Variants in GLG1 observed in about 807,000 individuals in gnomAD.
The protein encoded by GLG1 is golgi glycoprotein 1, also known as Golgi apparatus protein 1.
A neutral mutation model predicts 160.5 loss-of-function variants in GLG1; 38 were observed. The ratio of observed to expected loss-of-function variants is 0.24; its 90% CI spans 0.18 to 0.31. The LOEUF (loss-of-function observed/expected upper bound fraction) is 0.31. Among genes scored for constraint, GLG1 ranks in the 10% least tolerant of loss-of-function variants. The probability of loss-of-function intolerance (pLI) is 1.00; values close to 1 mark genes in which losing one functional copy is unlikely to be tolerated. For missense variants in GLG1, 1,373 were observed against 1,505.2 expected, an observed-to-expected ratio of 0.91 and a Z score of 1.45; for synonymous variants, 644 against 543.4, an observed-to-expected ratio of 1.19 and a Z score of -2.57.
At chr16:74,574,056 C>T (rs982335286) in intron 1 of GLG1, among the ~76,000 whole-genome samples, 6 of 152,134 alleles carry the variant, frequency 3.9e-5, no homozygotes, top group Admixed American at 6.5e-5. Context: ...AAGCAACATG[C>T]GTGTGCACGC....
At chr16:74,519,056 T>C (rs1193728798) in intron 2 of GLG1, among the ~76,000 whole-genome samples, 3 of 152,172 alleles carry the variant, frequency 2.0e-5, no homozygotes, top group African/African-American at 7.2e-5. Context: ...TGTGGCACTA[T>C]TCACAATAGC....
intron 1 of GLG1, among the ~76,000 whole-genome samples, chr16:74,566,464 C>A (rs2018656883): frequency 6.6e-6 from 1 of 152,168 alleles, no homozygotes; most frequent in African/African-American, 2.4e-5. Context: ...TTTAATTTTT[C>A]TCCTGTATGT....
rs754322639 is a variant in GLG1 at position 74,480,224 on chromosome 16, C to A, written c.1827+17G>T. On this transcript the variant is annotated intron_variant, in intron 11 of 25. Coordinates refer to ENST00000422840, the MANE Select transcript of GLG1 (RefSeq NM_001145667.2). ...AAATGACAAGAAGAAGAAATGAAGT[C>A]GATATTCACTGCATACCCTCCTTCC... 1 of 1,576,588 alleles carries A rather than the reference C, an allele frequency of 6.3e-7. No individual in the cohort carries two copies. The highest frequency in any genetic ancestry group is 8.7e-7 in the Non-Finnish European group (1 of 1,146,928).
At chr16:74,571,854 AAAGT>A in intron 1 of GLG1, among the ~76,000 whole-genome samples, 1 of 152,274 alleles carries the variant, frequency 6.6e-6, no homozygotes, top group African/African-American at 2.4e-5. Flanking sequence ...AAACAAAATG[AAAGT>A]AACTAACAAT....
chr16:74,504,211 A>C (rs1195384157), intron 3 of GLG1, among the ~76,000 whole-genome samples: 1 of 152,176 alleles, frequency 6.6e-6, no homozygotes, highest in Non-Finnish European at 1.5e-5. Flanking sequence ...CTACACAGAA[A>C]ACTATTATTG....
chr16:74,490,188 T>A (rs373904367), intron 8 of GLG1, among the ~76,000 whole-genome samples: 1 of 152,168 alleles, frequency 6.6e-6, no homozygotes. Context: ...GTAATCAACA[T>A]GGACAACAGG....
chr16:74,467,646 G>T, intron 18 of GLG1, 110 bp downstream of exon 18: 1 of 716,302 alleles, frequency 1.4e-6, no homozygotes, highest in Non-Finnish European at 2.4e-6. Context: ...TGTCTCACCA[G>T]CAAAAAATTC....
At chr16:74,527,450 A>T (rs929515901) in intron 2 of GLG1, among the ~76,000 whole-genome samples, 1 of 151,852 alleles carries the variant, frequency 6.6e-6, no homozygotes, top group African/African-American at 2.4e-5. Context: ...GGGTTTCACC[A>T]TGTTGGCCAG....
At chr16:74,595,393 C>T (rs571625509) in intron 1 of GLG1, among the ~76,000 whole-genome samples, 2 of 147,676 alleles carry the variant, frequency 1.4e-5, no homozygotes, top group East Asian at 2.1e-4. Context: ...AAAAATTAGC[C>T]GGTCGTGGTG....
intron 1 of GLG1, among the ~76,000 whole-genome samples, chr16:74,596,327 G>A (rs1024321619): frequency 1.3e-5 from 2 of 152,062 alleles, no homozygotes; most frequent in African/African-American, 2.4e-5. Context: ...TCAGCAGTTC[G>A]AGACAAGCCT....
intron 10 of GLG1, among the ~76,000 whole-genome samples, chr16:74,481,120 T>G (rs2015583643): frequency 6.6e-6 from 1 of 152,236 alleles, no homozygotes; most frequent in South Asian, 2.1e-4. Flanking sequence ...TAAGTAGGAA[T>G]GAAGTTCAAT....
At chr16:74,482,578 T>C (rs2015642172) in intron 10 of GLG1, among the ~76,000 whole-genome samples, 1 of 152,114 alleles carries the variant, frequency 6.6e-6, no homozygotes, top group Non-Finnish European at 1.5e-5. Context: ...TTGTCACTTA[T>C]TGACAAAAAC....
chr16:74,491,114 C>A lies in GLG1; in HGVS notation c.1336G>T (p.Gly446Trp). ...LSPEIILSCR[G>W]EIEHHCSGLH... is the part of the protein sequence containing the mutation. ...CCGGAACAATGGTGTTCAATCTCCC[C>A]CCGACAGCTTAGGATGATCTCAGGG... The change falls in exon 8 of 26, where the codon GGG (glycine) becomes TGG (tryptophan). Residue 446 changes from glycine to tryptophan, a missense_variant. Gly to Trp is a radical substitution (Grantham distance 184). Transcript: ENST00000422840. The A allele has an allele frequency of 1.2e-6, 2 of 1,614,050 alleles. No individual in the cohort carries two copies. Among genetic ancestry groups the A allele is most frequent in the Non-Finnish European group, 1.7e-6 (2 of 1,179,898 alleles).
intron 18 of GLG1, 51 bp downstream of exon 18, chr16:74,467,705 A>C: frequency 8.3e-7 from 1 of 1,205,596 alleles, no homozygotes; most frequent in Non-Finnish European, 1.2e-6. Context: ...AAAACATTAA[A>C]TATTACCTTC....
intron 1 of GLG1, chr16:74,552,874 T>C (rs1159980740): frequency 1.3e-5 from 2 of 152,446 alleles, no homozygotes; most frequent in African/African-American, 4.8e-5. Flanking sequence ...GGAAACAATT[T>C]ATATTGAAGT....
intron 2 of GLG1, among the ~76,000 whole-genome samples, chr16:74,511,486 T>C (rs1281144159): frequency 6.6e-6 from 1 of 150,630 alleles, no homozygotes; most frequent in Non-Finnish European, 1.5e-5. Context: ...ACCCGGTCTC[T>C]ACTAAAAATA....
intron 1 of GLG1, among the ~76,000 whole-genome samples, chr16:74,596,614 T>C (rs983970322): frequency 2.6e-5 from 4 of 152,210 alleles, no homozygotes; most frequent in Admixed American, 2.0e-4. Flanking sequence ...CACATCTCAA[T>C]TCAAACAGGC....
chr16:74,539,688 C>T (rs183678275), intron 1 of GLG1, among the ~76,000 whole-genome samples: 40 of 151,340 alleles, frequency 2.6e-4, no homozygotes, highest in Admixed American at 2.3e-3. Flanking sequence ...CTCAAAACCA[C>T]TGCTTTGGAC....
chr16:74,505,110 G>C (rs1275955694), intron 3 of GLG1, among the ~76,000 whole-genome samples: 1 of 152,096 alleles, frequency 6.6e-6, no homozygotes, highest in Admixed American at 6.6e-5. Context: ...TCCCCATTAG[G>C]CCTATCTATC....
Sources: allele counts gnomAD v4.1 joint callset (sites outside exome capture counted in the v4.1 genomes callset), GRCh38; gene constraint gnomAD v4.1.1; transcripts MANE v1.5; gene names NCBI Gene and HGNC (gene_info 2026-07-23, HGNC 2026-07-21).